DLG2: variants seen among roughly 807,000 people sequenced by gnomAD.
DLG2 encodes discs large MAGUK scaffold protein 2.
DLG2 carries 45 observed loss-of-function variants against 132.5 expected under a neutral mutation model. The observed-to-expected ratio is 0.34, with a 90% CI of 0.27 to 0.44. The LOEUF (loss-of-function observed/expected upper bound fraction) is 0.44. Ranked by LOEUF, DLG2 falls within the 20% of genes least tolerant of loss-of-function variation. The probability of loss-of-function intolerance (pLI) is 1.00; values close to 1 mark genes in which losing one functional copy is unlikely to be tolerated. For missense variants in DLG2, 1,045 were observed against 1,196.9 expected, an observed-to-expected ratio of 0.87 and a Z score of 1.87; for synonymous variants, 424 against 419.6, an observed-to-expected ratio of 1.01 and a Z score of -0.13.
At chr11:84,394,704 C>T (rs1315428909) in intron 7 of DLG2, among the ~76,000 whole-genome samples, 1 of 152,062 alleles carries the variant, frequency 6.6e-6, no homozygotes, top group Non-Finnish European at 1.5e-5. Flanking sequence ...TCTCAGCTAC[C>T]TCTGCCTCCT....
intron 21 of DLG2, among the ~76,000 whole-genome samples, chr11:83,526,975 G>C (rs1324637925): frequency 3.3e-5 from 5 of 152,118 alleles, no homozygotes; most frequent in African/African-American, 1.2e-4. Context: ...TGATTTATTT[G>C]TCTTTACACC....
intron 17 of DLG2, among the ~76,000 whole-genome samples, chr11:83,806,571 A>G (rs1203105857): frequency 6.6e-6 from 1 of 152,106 alleles, no homozygotes; most frequent in East Asian, 1.9e-4. Flanking sequence ...TTCTTTTTCT[A>G]TTTACCTTTT....
At chr11:84,573,322 C>T (rs1345207336) in intron 6 of DLG2, among the ~76,000 whole-genome samples, 2 of 151,752 alleles carry the variant, frequency 1.3e-5, no homozygotes, top group African/African-American at 2.4e-5. Flanking sequence ...ATAACACTTA[C>T]AAAATTAAAC....
intron 19 of DLG2, among the ~76,000 whole-genome samples, chr11:83,598,328 A>C (rs1317820507): frequency 6.6e-6 from 1 of 152,248 alleles, no homozygotes; most frequent in Non-Finnish European, 1.5e-5. Context: ...CCTGAGCACC[A>C]TCTTAAAGTG....
At chr11:83,582,132 T>G (rs1026774787) in intron 19 of DLG2, among the ~76,000 whole-genome samples, 1 of 151,904 alleles carries the variant, frequency 6.6e-6, no homozygotes, top group African/African-American at 2.4e-5. Context: ...AATTTTGTAT[T>G]TTTAGTAGAG....
At chr11:83,865,241 C>A (rs1419483546) in intron 16 of DLG2, among the ~76,000 whole-genome samples, 1 of 152,050 alleles carries the variant, frequency 6.6e-6, no homozygotes, top group Non-Finnish European at 1.5e-5. Flanking sequence ...CAGGAGACAG[C>A]CATCTAGGTT....
chr11:83,541,916 AT>A (rs2096077959), intron 19 of DLG2, 58 bp from the exon 20 acceptor site: 1 of 1,496,876 alleles, frequency 6.7e-7, no homozygotes, highest in African/African-American at 1.4e-5. Context: ...CAGATTTAGG[AT>A]TTATGGTTTC....
chr11:84,984,597 G>A (rs1216879261), intron 6 of DLG2, among the ~76,000 whole-genome samples: 2 of 123,744 alleles, frequency 1.6e-5, no homozygotes, highest in Middle Eastern at 4.5e-3. Flanking sequence ...ACCTTCCAAG[G>A]TATACAGGCA....
chr11:85,072,066 A>G (rs1423147323), intron 6 of DLG2, among the ~76,000 whole-genome samples: 1 of 151,900 alleles, frequency 6.6e-6, no homozygotes, highest in Admixed American at 6.6e-5. Flanking sequence ...AGATTGCAAT[A>G]AAACATGAAT....
Position 83,963,855 on chromosome 11 carries a change from T to C in DLG2, c.1202-832A>G, listed in dbSNP as rs377675854. On this transcript the variant is annotated intron_variant, in intron 13 of 27. Transcript: ENST00000376104. ...TCTCCTACCTAACCCATCTCAGATG[T>C]TGAAATCTCATTCTGAAGATGCAAC... 2.0e-5 allele frequency among the ~76,000 whole-genome samples: 3 copies of C among 151,970 alleles called. No homozygotes were observed. In the East Asian group the frequency reaches 5.8e-4, roughly 29 times the overall value.
intron 17 of DLG2, among the ~76,000 whole-genome samples, chr11:83,831,921 G>T (rs542649990): frequency 6.6e-6 from 1 of 152,196 alleles, no homozygotes; most frequent in South Asian, 2.1e-4. Context: ...GAAAGGAAGA[G>T]GAAAGGGAAA....
At chr11:83,855,652 G>C (rs148254642) in intron 16 of DLG2, among the ~76,000 whole-genome samples, 37 of 152,306 alleles carry the variant, frequency 2.4e-4, no homozygotes, top group Non-Finnish European at 3.7e-4. Flanking sequence ...ATCAGTAGTT[G>C]ATGGGGTATA....
intron 6 of DLG2, among the ~76,000 whole-genome samples, chr11:85,003,394 C>T (rs1014140672): frequency 2.0e-5 from 3 of 151,898 alleles, no homozygotes. Flanking sequence ...TACAATAAAC[C>T]GTTGGATATA....
At chr11:84,256,011 T>C (rs886939742) in intron 7 of DLG2, among the ~76,000 whole-genome samples, 2 of 152,038 alleles carry the variant, frequency 1.3e-5, no homozygotes, top group Admixed American at 6.6e-5. Flanking sequence ...TGATATAATT[T>C]AAATGATAGA....
At chr11:85,094,761 T>C (rs964667618) in intron 6 of DLG2, among the ~76,000 whole-genome samples, 4 of 152,228 alleles carry the variant, frequency 2.6e-5, no homozygotes, top group African/African-American at 7.2e-5. Flanking sequence ...TTTCTTATCA[T>C]TCATGTGCTT....
chr11:85,031,931 G>A (rs1336950571), intron 6 of DLG2, among the ~76,000 whole-genome samples: 2 of 129,238 alleles, frequency 1.5e-5, no homozygotes, highest in African/African-American at 3.0e-5. Context: ...CTACAAGTGT[G>A]TACCCTGACA....
intron 4 of DLG2, among the ~76,000 whole-genome samples, chr11:85,204,755 A>C (rs1425637258): frequency 6.6e-6 from 1 of 152,114 alleles, no homozygotes; most frequent in Admixed American, 6.6e-5. Context: ...TAAAGCTGGA[A>C]GCATCACATT....
intron 7 of DLG2, among the ~76,000 whole-genome samples, chr11:84,358,363 A>ATT (rs770602681): frequency 0.044 from 5,309 of 121,414 alleles, 343 homozygotes; most frequent in African/African-American, 0.15. Flanking sequence ...AAGTCCCAGT[A>ATT]TTTTTTTTTT....
At position 84,522,568 on chromosome 11, in the gene DLG2, A is replaced by G. The variant is rs1482958061; in HGVS notation, c.519+12002T>C. 2.0e-5 allele frequency among the ~76,000 whole-genome samples: 3 copies of G among 152,326 alleles called. No homozygotes were observed. In the East Asian group the frequency reaches 5.8e-4, roughly 29 times the overall value. On this transcript the variant is annotated intron_variant, in intron 7 of 27. Coordinates refer to ENST00000376104, the MANE Select transcript of DLG2 (RefSeq NM_001142699.3). Reference sequence around the variant, plus strand: ...AGAGTGACTTTGGTGAGTCAGCTGGACTGGAAGAATGTATCCTGGGAGCTG... The same window carrying G: ...AGAGTGACTTTGGTGAGTCAGCTGGGCTGGAAGAATGTATCCTGGGAGCTG...
Sources: gnomAD v4.1 joint callset for allele counts (sites outside exome capture counted in the v4.1 genomes callset) on GRCh38, gnomAD v4.1.1 for gene constraint, MANE v1.5 for transcripts, NCBI Gene and HGNC (gene_info 2026-07-23, HGNC 2026-07-21) for gene names.